The following SGCD variants were observed in gnomAD, a reference collection of about 807,000 sequenced individuals.
The protein encoded by SGCD is sarcoglycan delta.
Under a neutral mutation model 36.6 loss-of-function variants are expected in SGCD, and 18 were observed. The ratio of observed to expected loss-of-function variants is 0.49; its 90% CI spans 0.34 to 0.73. The LOEUF (loss-of-function observed/expected upper bound fraction) is 0.73. Ranked by LOEUF, SGCD falls within the 30% of genes least tolerant of loss-of-function variation. The probability of loss-of-function intolerance (pLI) is 0.01; values close to 1 mark genes in which losing one functional copy is unlikely to be tolerated. For synonymous variants in SGCD, 133 were observed against 130.6 expected (o/e 1.02, Z -0.12); for missense variants, 387 against 346.7 (o/e 1.12, Z -0.92).
At chr5:156,705,585 T>A (rs1210683807) in intron 7 of SGCD, among the ~76,000 whole-genome samples, 1 of 152,162 alleles carries the variant, frequency 6.6e-6, no homozygotes, top group Non-Finnish European at 1.5e-5. Flanking sequence ...TCATCTTAAA[T>A]GTGATTACCC....
Position 156,488,098 on chromosome 5 carries a change from G to GTTTT in SGCD, c.193-20480_193-20477dup, listed in dbSNP as rs559483068. ...AAAGAACTTCTGAACTTGAAGACAG[G>GTTTT]TTTTTTTTTTTTTTTTTTTTTTTTT... On this transcript the variant is annotated intron_variant, in intron 3 of 8. Coordinates refer to ENST00000337851, the MANE Select transcript of SGCD (RefSeq NM_000337.6). Among the ~76,000 whole-genome samples the GTTTT allele has an allele frequency of 3.6e-3, 334 of 92,456 alleles. 4 individuals are homozygous for GTTTT. The highest frequency in any genetic ancestry group is 0.012 in the East Asian group (37 of 3,184). The allele number at this position is 92,456 out of a possible 152,430, so 60.7% of individuals were successfully genotyped here.
intron 7 of SGCD, among the ~76,000 whole-genome samples, chr5:156,732,138 T>C (rs971425001): frequency 6.6e-6 from 1 of 152,246 alleles, no homozygotes; most frequent in East Asian, 1.9e-4. Flanking sequence ...CCTTTATTTC[T>C]TTCTCACCTG....
the SGCD span, among the ~76,000 whole-genome samples, chr5:155,836,476 G>GC: frequency 1.6e-5 from 1 of 61,822 alleles, no homozygotes; most frequent in Non-Finnish European, 3.6e-5. Flanking sequence ...ACCCACCCCC[G>GC]CCCCGCACTC....
Position 156,475,612 on chromosome 5 carries a change from T to G in SGCD, c.193-32989T>G, listed in dbSNP as rs544594703. Among the ~76,000 whole-genome samples the G allele has an allele frequency of 3.9e-5, 6 of 152,236 alleles. No individual in the cohort carries two copies. In the East Asian group the frequency reaches 1.2e-3, roughly 29 times the overall value. On this transcript the variant is annotated intron_variant, in intron 3 of 8. Transcript: ENST00000337851. ...GAGACAAGATACTTTGTAATTCCTA[T>G]TTTCTCCCCGAAGCCAACACTTCCA...
chr5:156,176,016 G>A (rs1239982076), intron 3 of SGCD, among the ~76,000 whole-genome samples: 1 of 151,554 alleles, frequency 6.6e-6, no homozygotes, highest in African/African-American at 2.4e-5. Context: ...TAGAATTATT[G>A]CTCCATGCCA....
chr5:156,332,305 A>G (rs1485319100), intron 2 of SGCD, among the ~76,000 whole-genome samples: 1 of 152,218 alleles, frequency 6.6e-6, no homozygotes, highest in Non-Finnish European at 1.5e-5. Context: ...TGAAATATTT[A>G]AACATCTTAA....
intron 3 of SGCD, among the ~76,000 whole-genome samples, chr5:156,263,439 T>A (rs907228876): frequency 6.6e-5 from 10 of 151,976 alleles, no homozygotes; most frequent in African/African-American, 2.2e-4. Context: ...CCATTTTTTT[T>A]ATGAAGTTTT....
In SGCD at chr5:156,229,273, C is replaced by CATATATAT. The variant is rs1383896091; in HGVS notation, c.-43-100258_-43-100257insTATATATA. ...ATATACATACATACATATATATATA[C>CATATATAT]ATACATATATATATATATATATATA... On this transcript the variant is annotated intron_variant, in intron 3 of 9. Transcript: ENST00000517913. Among the ~76,000 whole-genome samples the CATATATAT allele has an allele frequency of 1.7e-3, 15 of 8,572 alleles. 1 individual carries two copies. The highest frequency in any genetic ancestry group is 3.4e-3 in the African/African-American group (14 of 4,116). 5.6% of individuals were successfully genotyped at this position (8,572 alleles called of 152,430 possible). A position where few individuals can be genotyped will look rare whatever the true frequency, so the allele number is the denominator to read the frequency against.
At chr5:156,637,418 G>T (rs1367650014) in intron 6 of SGCD, among the ~76,000 whole-genome samples, 1 of 152,142 alleles carries the variant, frequency 6.6e-6, no homozygotes. Flanking sequence ...CATATCTGAA[G>T]TCCCCTTGGT....
At chr5:156,757,955 G>A (rs906833062) in intron 8 of SGCD, 2 of 1,258,756 alleles carry the variant, frequency 1.6e-6, no homozygotes, top group Non-Finnish European at 2.0e-6. Context: ...ATATGACCAT[G>A]AAAATGAATG....
At chr5:156,412,746 A>G (rs1034068470) in intron 3 of SGCD, among the ~76,000 whole-genome samples, 1 of 152,042 alleles carries the variant, frequency 6.6e-6, no homozygotes, top group Admixed American at 6.5e-5. Context: ...CAGGTGGTAC[A>G]AAGCACAAGA....
the SGCD span, among the ~76,000 whole-genome samples, chr5:155,833,053 CG>C: frequency 0.41 from 36,544 of 90,084 alleles, 6,467 homozygotes; most frequent in Non-Finnish European, 0.54. Context: ...ACTAAAAATA[CG>C]AAAAAAAAAA....
chr5:156,325,512 AGCT>A (rs1453627385), upstream of SGCD, among the ~76,000 whole-genome samples: 2 of 152,184 alleles, frequency 1.3e-5, no homozygotes, highest in African/African-American at 4.8e-5. Flanking sequence ...AGGTTAAGCA[AGCT>A]GACCAGGGTT....
At chr5:156,700,344 T>A (rs1049969759) in intron 7 of SGCD, among the ~76,000 whole-genome samples, 1 of 152,136 alleles carries the variant, frequency 6.6e-6, no homozygotes, top group Non-Finnish European at 1.5e-5. Context: ...TTGCTATACC[T>A]CCTTCTCTTC....
In SGCD at chr5:156,766,325, C is replaced by T. The variant is rs1480802682; in HGVS notation, c.*6935C>T. On this transcript the variant is annotated 3_prime_UTR_variant, in exon 9 of 9. Coordinates refer to ENST00000337851, the MANE Select transcript of SGCD (RefSeq NM_000337.6). ...TCTGTTTCCCTATAAGAAAGAACTA[C>T]CAGGGACTCACTGACTGCATTAGGC... 2.0e-5 allele frequency: 3 copies of T among 151,836 alleles called. No individual in the cohort carries two copies. Among genetic ancestry groups the T allele is most frequent in the Non-Finnish European group, 4.4e-5 (3 of 67,972 alleles). 9.4% of individuals were successfully genotyped at this position (151,836 alleles called of 1,614,324 possible).
intron 1 of SGCD, among the ~76,000 whole-genome samples, chr5:155,894,923 C>T (rs765827941): frequency 1.4e-4 from 22 of 152,138 alleles, no homozygotes; most frequent in Non-Finnish European, 2.8e-4. Context: ...AAACCCCTGC[C>T]ACCCCTGGTC....
At chr5:156,515,414 T>A (rs1299314371) in intron 4 of SGCD, among the ~76,000 whole-genome samples, 1 of 151,846 alleles carries the variant, frequency 6.6e-6, no homozygotes, top group African/African-American at 2.4e-5. Flanking sequence ...CTGAGAAGAA[T>A]GAAGACCGCA....
the SGCD span, among the ~76,000 whole-genome samples, chr5:155,845,232 T>C: frequency 6.6e-6 from 1 of 152,222 alleles, no homozygotes; most frequent in South Asian, 2.1e-4. Context: ...GCACTTGGCA[T>C]AGTCATTTTT....
intron 2 of SGCD, among the ~76,000 whole-genome samples, chr5:156,332,950 A>T (rs959808666): frequency 1.3e-5 from 2 of 152,224 alleles, no homozygotes; most frequent in African/African-American, 4.8e-5. Context: ...GAAGTAAATT[A>T]TTCCTCAATA....
Sources: gnomAD v4.1 joint callset for allele counts (sites outside exome capture counted in the v4.1 genomes callset) on GRCh38, gnomAD v4.1.1 for gene constraint, MANE v1.5 for transcripts, NCBI Gene and HGNC (gene_info 2026-07-23, HGNC 2026-07-21) for gene names.